Variants in UGT1A10 observed in about 807,000 individuals in gnomAD.
UGT1A10 encodes the protein UDP glucuronosyltransferase family 1 member A10.
In UGT1A10, 49 loss-of-function variants were observed where a neutral mutation model predicts 45.8. The ratio of observed to expected loss-of-function variants is 1.07; its 90% CI spans 0.85 to 1.36. UGT1A10 has a LOEUF of 1.36. Among genes scored for constraint, UGT1A10 ranks in the 40% most tolerant of loss-of-function variants. UGT1A10 has a pLI of 0.00. For missense variants in UGT1A10, 745 were observed against 668.6 expected, an observed-to-expected ratio of 1.11 and a Z score of -1.26; for synonymous variants, 284 against 249.7, an observed-to-expected ratio of 1.14 and a Z score of -1.29.
chr2:233,735,517 G>A (rs2078663232), intron 1 of UGT1A10, among the ~76,000 whole-genome samples: 1 of 152,112 alleles, frequency 6.6e-6, no homozygotes, highest in Non-Finnish European at 1.5e-5. Context: ...TACATTTAAG[G>A]TAAATATTGT....
At chr2:233,744,159 G>A (rs958752952) in intron 1 of UGT1A10, 17 of 293,374 alleles carry the variant, frequency 5.8e-5, no homozygotes, top group African/African-American at 2.9e-4. Context: ...ACCAGGCCCC[G>A]CCCACTCCGG....
At chr2:233,701,642 G>C (rs376187281) in intron 1 of UGT1A10, among the ~76,000 whole-genome samples, 7 of 152,306 alleles carry the variant, frequency 4.6e-5, no homozygotes, top group Admixed American at 2.6e-4. Flanking sequence ...ATAGCAAACT[G>C]TCTCTCAGAC....
chr2:233,713,283 C>G (rs764319623), intron 1 of UGT1A10: 6 of 1,614,104 alleles, frequency 3.7e-6, no homozygotes, highest in Non-Finnish European at 5.1e-6. Context: ...GGGTCACACT[C>G]AATCGTTCTT....
chr2:233,663,119 A>G (rs1428408458), intron 1 of UGT1A10, among the ~76,000 whole-genome samples: 1 of 152,098 alleles, frequency 6.6e-6, no homozygotes, highest in African/African-American at 2.4e-5. Flanking sequence ...CTTGGGACCC[A>G]TTAAACAATA....
At chr2:233,682,341 A>T in intron 1 of UGT1A10, 1 of 1,614,096 alleles carries the variant, frequency 6.2e-7, no homozygotes, top group Non-Finnish European at 8.5e-7. Flanking sequence ...AAATTAGTAG[A>T]ATACTTAAAG....
rs1161745635 is a variant in UGT1A10 at position 233,692,874 on chromosome 2, A to G, written c.855+55497A>G. ...TTGGGTTCTTACATATCAAAGGGTA[A>G]AATTCAGAGCAAGGGAGAGGTAGAC... is the stretch of plus-strand genomic sequence containing the variant. On this transcript the variant is annotated intron_variant, in intron 1 of 4. Transcript: ENST00000344644. 4.0e-6 allele frequency: 6 copies of G among 1,492,460 alleles called. No individual in the cohort carries two copies. The African/African-American group carries it at 8.4e-5, about 21-fold the overall frequency. The allele number at this position is 1,492,460 out of a possible 1,614,324, so 92.5% of individuals were successfully genotyped here.
At chr2:233,726,567 G>A (rs142621262) in intron 1 of UGT1A10, among the ~76,000 whole-genome samples, 285 of 152,062 alleles carry the variant, frequency 1.9e-3, no homozygotes, top group African/African-American at 5.9e-3. Context: ...CCACTCTTAC[G>A]CCTGTCTCCT....
intron 1 of UGT1A10, among the ~76,000 whole-genome samples, chr2:233,764,416 C>T (rs559795881): frequency 6.6e-6 from 1 of 152,154 alleles, no homozygotes; most frequent in South Asian, 2.1e-4. Flanking sequence ...GTTTGCCCTG[C>T]GTGAATCTCC....
intron 1 of UGT1A10, among the ~76,000 whole-genome samples, chr2:233,669,216 T>C (rs1575413390): frequency 6.6e-6 from 1 of 152,156 alleles, no homozygotes; most frequent in East Asian, 1.9e-4. Flanking sequence ...TTACTATAGA[T>C]TTGTAATAAG....
chr2:233,733,145 T>C (rs2078361109), intron 1 of UGT1A10, among the ~76,000 whole-genome samples: 1 of 152,246 alleles, frequency 6.6e-6, no homozygotes, highest in Non-Finnish European at 1.5e-5. Flanking sequence ...TTGTGATTTT[T>C]GCACATTGAT....
At chr2:233,729,392 T>C in intron 1 of UGT1A10, 1 of 1,613,876 alleles carries the variant, frequency 6.2e-7, no homozygotes, top group Non-Finnish European at 8.5e-7. Context: ...CAGGATGAAT[T>C]TGATCGCCAT....
At chr2:233,646,051 C>A (rs2073593638) in intron 1 of UGT1A10, among the ~76,000 whole-genome samples, 1 of 152,232 alleles carries the variant, frequency 6.6e-6, no homozygotes. Flanking sequence ...GTTCCCAAAC[C>A]TCAATTCTTG....
chr2:233,651,148 A>G (rs1418139349), intron 1 of UGT1A10, among the ~76,000 whole-genome samples: 1 of 152,190 alleles, frequency 6.6e-6, no homozygotes, highest in Non-Finnish European at 1.5e-5. Flanking sequence ...ACAAGGCTAG[A>G]CTTTTCAAAG....
intron 1 of UGT1A10, among the ~76,000 whole-genome samples, chr2:233,741,256 C>A (rs1347287188): frequency 6.6e-6 from 1 of 151,868 alleles, no homozygotes; most frequent in African/African-American, 2.4e-5. Flanking sequence ...GTATGCCACT[C>A]TTTGCTGACC....
intron 1 of UGT1A10, among the ~76,000 whole-genome samples, chr2:233,697,058 G>C (rs1287604858): frequency 6.6e-6 from 1 of 151,826 alleles, no homozygotes; most frequent in Non-Finnish European, 1.5e-5. Flanking sequence ...TTGTGTCCTT[G>C]TCTGGTTTTG....
At chr2:233,639,318 C>G (rs995960728) in intron 1 of UGT1A10, among the ~76,000 whole-genome samples, 1 of 151,948 alleles carries the variant, frequency 6.6e-6, no homozygotes, top group Non-Finnish European at 1.5e-5. Flanking sequence ...TATGATTATA[C>G]CTGTAAAGGC....
At chr2:233,659,698 G>A (rs1045375049) in intron 1 of UGT1A10, among the ~76,000 whole-genome samples, 4 of 152,124 alleles carry the variant, frequency 2.6e-5, no homozygotes, top group Admixed American at 1.3e-4. Flanking sequence ...ATTACTGTCT[G>A]ACATTTTTGC....
chr2:233,687,814 G>A (rs1432190294), intron 1 of UGT1A10, among the ~76,000 whole-genome samples: 3 of 152,106 alleles, frequency 2.0e-5, no homozygotes, highest in African/African-American at 4.8e-5. Context: ...GCTGAGGTGG[G>A]AGGATCTCCT....
chr2:233,729,284 C>T, intron 1 of UGT1A10: 1 of 1,614,206 alleles, frequency 6.2e-7, no homozygotes, highest in Non-Finnish European at 8.5e-7. Flanking sequence ...GAGCTCCATG[C>T]CAGAGGCCAC....
Sources: allele counts gnomAD v4.1 joint callset (sites outside exome capture counted in the v4.1 genomes callset), GRCh38; gene constraint gnomAD v4.1.1; transcripts MANE v1.5; gene names NCBI Gene and HGNC (gene_info 2026-07-23, HGNC 2026-07-21).